Variants in GRHL2 observed in about 807,000 individuals in gnomAD.
GRHL2 encodes the protein grainyhead-like protein 2 homolog.
GRHL2 carries 21 observed loss-of-function variants against 83.8 expected under a neutral mutation model. The observed-to-expected ratio is 0.25, with a 90% CI of 0.18 to 0.36. The LOEUF is 0.36. Among genes scored for constraint, GRHL2 ranks in the 10% least tolerant of loss-of-function variants. The probability of loss-of-function intolerance (pLI) is 1.00; values close to 1 mark genes in which losing one functional copy is unlikely to be tolerated. For missense variants in GRHL2, 623 were observed against 781.8 expected (o/e 0.80, Z 2.42); for synonymous variants, 280 against 278.9 (o/e 1.00, Z -0.04).
In GRHL2 at chr8:101,578,406, C is replaced by T. The variant is rs565725018; in HGVS notation, c.1003+887C>T. ...TGGCTTCTCTCTGCCTCGTGATCTC[C>T]TGCCAGTGCCTCCCATCGGCAGAAT... On this transcript the variant is annotated intron_variant, in intron 7 of 15. Transcript: ENST00000646743. Among the ~76,000 whole-genome samples the T allele has an allele frequency of 4.6e-5, 7 of 152,280 alleles. No individual in the cohort carries two copies. The East Asian group carries it at 1.4e-3, about 29-fold the overall frequency.
intron 4 of GRHL2, among the ~76,000 whole-genome samples, chr8:101,567,016 G>A (rs999840061): frequency 2.0e-5 from 3 of 152,128 alleles, no homozygotes; most frequent in African/African-American, 7.2e-5. Context: ...ATGGGTAAAT[G>A]ATGGGACCTA....
intron 9 of GRHL2, among the ~76,000 whole-genome samples, chr8:101,625,217 AG>A (rs1813058021): frequency 6.6e-6 from 1 of 152,088 alleles, no homozygotes; most frequent in Admixed American, 6.6e-5. Flanking sequence ...GAAGAGAAAG[AG>A]GGGGAAGAAT....
chr8:101,672,992 C>G (rs1433332717), downstream of GRHL2, among the ~76,000 whole-genome samples: 2 of 149,912 alleles, frequency 1.3e-5, no homozygotes, highest in Non-Finnish European at 3.0e-5. Flanking sequence ...ACTTTACAGA[C>G]AAGCAAATGC....
At chr8:101,597,313 G>A (rs913267264) in intron 7 of GRHL2, among the ~76,000 whole-genome samples, 3 of 152,112 alleles carry the variant, frequency 2.0e-5, no homozygotes, top group Admixed American at 6.5e-5. Context: ...GTAAACTGTG[G>A]CGACAGTCCC....
intron 14 of GRHL2, among the ~76,000 whole-genome samples, chr8:101,657,293 G>T (rs909939266): frequency 3.3e-5 from 5 of 152,164 alleles, no homozygotes; most frequent in Non-Finnish European, 5.9e-5. Flanking sequence ...GAGAAGGCTG[G>T]CTGAATTGGA....
At chr8:101,639,980 C>T (rs1813367161) in intron 12 of GRHL2, among the ~76,000 whole-genome samples, 1 of 152,246 alleles carries the variant, frequency 6.6e-6, no homozygotes, top group Non-Finnish European at 1.5e-5. Flanking sequence ...AAGAGCCCCT[C>T]TCCTGGTAAC....
intron 8 of GRHL2, among the ~76,000 whole-genome samples, chr8:101,601,531 G>A (rs1416769079): frequency 1.3e-5 from 2 of 152,184 alleles, no homozygotes; most frequent in African/African-American, 4.8e-5. Context: ...GTGTGTGCCT[G>A]TGCTTGTGGG....
At chr8:101,663,794 T>A (rs866062938) in intron 14 of GRHL2, among the ~76,000 whole-genome samples, 7 of 152,108 alleles carry the variant, frequency 4.6e-5, no homozygotes, top group African/African-American at 1.7e-4. Flanking sequence ...GAATTGCTGA[T>A]CTTTTTCTTG....
rs112180861 is a variant in GRHL2 at position 101,493,872 on chromosome 8, C to G, written c.20+1083C>G. Among the ~76,000 whole-genome samples the G allele has an allele frequency of 5.3e-5, 8 of 151,902 alleles. No homozygotes were observed. The South Asian group carries it at 6.2e-4, about 12-fold the overall frequency. On this transcript the variant is annotated intron_variant, in intron 1 of 15. Transcript: ENST00000646743. Reference sequence around the variant, plus strand: ...CCGGCCGCGTCCTGACGGCCTCCCCCCTGGCCGGCCCCCGCCCTCGGAAGG... The same window carrying G: ...CCGGCCGCGTCCTGACGGCCTCCCCGCTGGCCGGCCCCCGCCCTCGGAAGG...
the GRHL2 span, among the ~76,000 whole-genome samples, chr8:101,680,669 C>A: frequency 1.2e-4 from 15 of 121,116 alleles, no homozygotes; most frequent in Non-Finnish European, 2.4e-4. Flanking sequence ...TGACCACATA[C>A]TTGGAAGTAA....
At chr8:101,521,593 G>C (rs1428653513) in intron 1 of GRHL2, among the ~76,000 whole-genome samples, 2 of 152,138 alleles carry the variant, frequency 1.3e-5, no homozygotes, top group Non-Finnish European at 2.9e-5. Flanking sequence ...CTGTATCCCA[G>C]TACTCAAAGC....
the GRHL2 span, among the ~76,000 whole-genome samples, chr8:101,676,727 T>C: frequency 6.6e-5 from 10 of 152,130 alleles, no homozygotes; most frequent in Non-Finnish European, 1.2e-4. Flanking sequence ...ACCCAAAGGA[T>C]TATAAATCAT....
In GRHL2 at chr8:101,533,499, C is replaced by T. The variant is rs924527385; in HGVS notation, c.21-9742C>T. On this transcript the variant is annotated intron_variant, in intron 1 of 15. Coordinates refer to ENST00000646743, the MANE Select transcript of GRHL2 (RefSeq NM_024915.4). ...GTGATATATTCATGAACAAAACAAC[C>T]CCAGCCCTGTGGAACTTAGGTTCTA... 2.0e-5 allele frequency among the ~76,000 whole-genome samples: 3 copies of T among 152,244 alleles called. No individual in the cohort carries two copies. The East Asian group carries it at 5.8e-4, about 29-fold the overall frequency.
chr8:101,562,364 T>C lies in GRHL2; in HGVS notation c.678+3552T>C. On this transcript the variant is annotated intron_variant, in intron 4 of 15. Coordinates refer to ENST00000646743, the MANE Select transcript of GRHL2 (RefSeq NM_024915.4). ...ACCTAGCTTTGGAGGATTGTGCTTC[T>C]TTTTAAAGTTTTTATGACATTTAGA... 2 of 668,482 alleles carry C rather than the reference T, an allele frequency of 3.0e-6. 1 individual carries two copies. The highest frequency in any genetic ancestry group is 3.7e-5 in the South Asian group (2 of 53,732). The allele number at this position is 668,482 out of a possible 1,614,324, so 41.4% of individuals were successfully genotyped here.
At chr8:101,559,879 C>T (rs1489495600) in intron 4 of GRHL2, among the ~76,000 whole-genome samples, 2 of 152,170 alleles carry the variant, frequency 1.3e-5, no homozygotes, top group Admixed American at 1.3e-4. Flanking sequence ...CGTGGATCTG[C>T]CTACTGTCAC....
rs947755782 is a variant in GRHL2 at position 101,492,626 on chromosome 8, G to A, written c.-144G>A. 109 of 772,486 alleles carry A rather than the reference G, an allele frequency of 1.4e-4. No individual in the cohort carries two copies. The highest frequency in any genetic ancestry group is 5.6e-4 in the African/African-American group (33 of 59,054). The allele number at this position is 772,486 out of a possible 1,614,324, so 47.9% of individuals were successfully genotyped here. A position where few individuals can be genotyped will look rare whatever the true frequency, so the allele number is the denominator to read the frequency against. ...GGGCGAGCGAGCGAGAGTGGTGAGG[G>A]GGGACGGAAAAGCAGAATTACCTGT... is the stretch of plus-strand genomic sequence containing the variant. On this transcript the variant is annotated 5_prime_UTR_variant, in exon 1 of 16. Coordinates refer to ENST00000646743, the MANE Select transcript of GRHL2 (RefSeq NM_024915.4).
At chr8:101,545,745 G>A (rs1243193425) in intron 2 of GRHL2, among the ~76,000 whole-genome samples, 1 of 151,676 alleles carries the variant, frequency 6.6e-6, no homozygotes, top group East Asian at 1.9e-4. Flanking sequence ...ATTGAAAAGT[G>A]ATTTTCTTCT....
chr8:101,525,927 C>G (rs1390856243), intron 1 of GRHL2, among the ~76,000 whole-genome samples: 6 of 152,126 alleles, frequency 3.9e-5, no homozygotes, highest in Admixed American at 3.9e-4. Flanking sequence ...AGATCATGCC[C>G]CTGCACTCCA....
chr8:101,554,920 C>T (rs1811460678), intron 3 of GRHL2, among the ~76,000 whole-genome samples: 1 of 152,124 alleles, frequency 6.6e-6, no homozygotes, highest in Non-Finnish European at 1.5e-5. Flanking sequence ...AAAGCTAAAA[C>T]TGTTTAACAG....
Sources: allele counts gnomAD v4.1 joint callset (sites outside exome capture counted in the v4.1 genomes callset), GRCh38; gene constraint gnomAD v4.1.1; transcripts MANE v1.5; gene names NCBI Gene and HGNC (gene_info 2026-07-23, HGNC 2026-07-21).